ZNF607: variants seen among roughly 807,000 people sequenced by gnomAD.
The protein encoded by ZNF607 is zinc finger protein 607.
In ZNF607, 5 loss-of-function variants were observed where a neutral mutation model predicts 12.8. The observed-to-expected ratio is 0.39, with a 90% CI of 0.20 to 0.82. ZNF607 has a LOEUF of 0.82. ZNF607 is among the 40% of genes least tolerant of loss of function. ZNF607 has a pLI of 0.39. For missense variants in ZNF607, 851 were observed against 859.2 expected (o/e 0.99, Z 0.12); for synonymous variants, 287 against 276.2 (o/e 1.04, Z -0.39).
rs758000733 is a variant in ZNF607, at chr19:37,711,654, G to A, written c.-36C>T. 24 of 1,610,496 alleles carry A rather than the reference G, an allele frequency of 1.5e-5. No individual in the cohort carries two copies. The highest frequency in any genetic ancestry group is 1.6e-4 in the Middle Eastern group (1 of 6,070). ...TGGCAAGAGTTGATCAGTCCTTGGC[G>A]TTTCTCTACCAGAAGAGCAAAGTCA... On this transcript the variant is annotated 5_prime_UTR_variant, in exon 2 of 5. It adds an upstream start codon to the 5' untranslated region. Transcript: ENST00000355202.
chr19:37,703,230 T>C (rs2045053857), intron 4 of ZNF607, among the ~76,000 whole-genome samples: 1 of 149,554 alleles, frequency 6.7e-6, no homozygotes, highest in African/African-American at 2.5e-5. Context: ...ATTACAGGCG[T>C]GAGCTACCAC....
At chr19:37,709,239 A>G (rs1424501649) in intron 3 of ZNF607, among the ~76,000 whole-genome samples, 1 of 152,138 alleles carries the variant, frequency 6.6e-6, no homozygotes, top group Non-Finnish European at 1.5e-5. Context: ...CCAGTCCACC[A>G]CTCTATGCCT....
Position 37,698,506 on chromosome 19 carries a change from A to G in ZNF607, c.1625T>C (p.Phe542Ser). Reference sequence around the variant, plus strand: ...GGCTTTAAGTACAGAAATGAACCTAAAAGACTTCCCGCATTTGTTGCATTC... The same window carrying G: ...GGCTTTAAGTACAGAAATGAACCTAGAAGACTTCCCGCATTTGTTGCATTC... ...PFECNKCGKS[F>S]RFISVLKAHQ... The change falls in exon 5 of 5, where the codon TTT becomes TCT. Residue 542 changes from phenylalanine (F) to serine (S), a missense_variant. By Grantham distance (155) the Phe-to-Ser change is radical. Transcript: ENST00000355202. The G allele has an allele frequency of 6.2e-7, 1 of 1,611,920 alleles. No individual in the cohort carries two copies. Among genetic ancestry groups the G allele is most frequent in the Non-Finnish European group, 8.5e-7 (1 of 1,178,182 alleles).
At position 37,698,630 on chromosome 19, in the gene ZNF607, C is replaced by A. The variant is rs2045003317; in HGVS notation, c.1501G>T (p.Gly501Cys). 1 of 1,614,012 alleles carries A rather than the reference C, an allele frequency of 6.2e-7. No individual in the cohort carries two copies. Among genetic ancestry groups the A allele is most frequent in the Non-Finnish European group, 8.5e-7 (1 of 1,179,994 alleles). ...KLTIHRRVHT[G>C]EKPYECKECG... ...TCCTTACATTCATAAGGTTTCTCAC[C>A]AGTATGAACTCTGCGATGTATAGTG... The change falls in exon 5 of 5, where the codon GGT becomes TGT. Residue 501 changes from glycine (G) to cysteine (C), a missense_variant. Gly to Cys is a radical substitution (Grantham distance 159, BLOSUM62 -3). Coordinates refer to ENST00000355202, the MANE Select transcript of ZNF607 (RefSeq NM_032689.5).
chr19:37,716,713 T>C (rs1247230343), intron 1 of ZNF607, among the ~76,000 whole-genome samples: 1 of 152,234 alleles, frequency 6.6e-6, no homozygotes, highest in Non-Finnish European at 1.5e-5. Context: ...AATTTCTTCT[T>C]TGAAACTATC....
intron 3 of ZNF607, 118 bp from the exon 4 acceptor site, chr19:37,708,130 T>A: frequency 1.5e-6 from 1 of 678,626 alleles, no homozygotes; most frequent in Non-Finnish European, 2.3e-6. Context: ...TAGAGAAGAG[T>A]GAGGGAAATA....
Position 37,708,029 on chromosome 19 carries a change from G to A in ZNF607, c.137-17C>T, listed in dbSNP as rs566180283. Reference sequence around the variant, plus strand: ...AATGTCCTGCTTACAAAGAAAAGAAGTGCCACAAAATACGGAAATCAACTT... The same window carrying A: ...AATGTCCTGCTTACAAAGAAAAGAAATGCCACAAAATACGGAAATCAACTT... On this transcript the variant is annotated splice_polypyrimidine_tract_variant and intron_variant, in intron 3 of 4. Transcript: ENST00000355202. 14 of 1,590,868 alleles carry A rather than the reference G, an allele frequency of 8.8e-6. No individual in the cohort carries two copies. The African/African-American group carries it at 1.5e-4, about 17-fold the overall frequency.
At chr19:37,717,481 G>T (rs2045185985) in intron 1 of ZNF607, among the ~76,000 whole-genome samples, 1 of 151,744 alleles carries the variant, frequency 6.6e-6, no homozygotes, top group African/African-American at 2.4e-5. Context: ...CACTGTGCCA[G>T]GCCCAAAATT....
Position 37,696,932 on chromosome 19 carries a change from T to A in ZNF607, c.*1108A>T. 1 of 673,978 alleles carries A rather than the reference T, an allele frequency of 1.5e-6. No homozygotes were observed. Among genetic ancestry groups the A allele is most frequent in the Non-Finnish European group, 2.7e-6 (1 of 368,310 alleles). 41.7% of individuals were successfully genotyped at this position (673,978 alleles called of 1,614,324 possible). On this transcript the variant is annotated 3_prime_UTR_variant, in exon 5 of 5. Coordinates refer to ENST00000355202, the MANE Select transcript of ZNF607 (RefSeq NM_032689.5). Reference sequence around the variant, plus strand: ...CCAGAATGAGCCCAAAGGTGGCTGCTCACTCCATAAGGTTGTTGCTCACCT... The same window carrying A: ...CCAGAATGAGCCCAAAGGTGGCTGCACACTCCATAAGGTTGTTGCTCACCT...
Position 37,719,696 on chromosome 19 carries a change from G to C in ZNF607, c.-502C>G, listed in dbSNP as rs1052373806. 6.6e-6 allele frequency: 1 copy of C among 152,526 alleles called. No individual in the cohort carries two copies. Among genetic ancestry groups the C allele is most frequent in the South Asian group, 2.1e-4 (1 of 4,824 alleles). 9.4% of individuals were successfully genotyped at this position (152,526 alleles called of 1,614,324 possible). On this transcript the variant is annotated 5_prime_UTR_variant, in exon 1 of 5. Coordinates refer to ENST00000355202, the MANE Select transcript of ZNF607 (RefSeq NM_032689.5). The stretch of plus-strand genomic sequence containing the variant: ...AATCCTAAAAACCTACGAGAAATAC[G>C]GCAGCGACCACTTGGACCGCGCCTC...
At chr19:37,709,981 C>T (rs2045119108) in intron 2 of ZNF607, among the ~76,000 whole-genome samples, 159 bp from the exon 3 acceptor site, 1 of 150,424 alleles carries the variant, frequency 6.6e-6, no homozygotes, top group East Asian at 2.0e-4. Context: ...ATGGTGAAAC[C>T]CCGTCTCTAC....
rs2044996687 is a variant in ZNF607 at position 37,698,312 on chromosome 19, GAAT to G, written c.1816_1818del (p.Ile606del). On this transcript the variant is annotated inframe_deletion, in exon 5 of 5. Coordinates refer to ENST00000355202, the MANE Select transcript of ZNF607 (RefSeq NM_032689.5). The stretch of plus-strand genomic sequence containing the variant: ...TTATCACTGGTATGAATTCTCTCAT[GAAT>G]AATAAGATGTGAAGCATGACTAAAA... 6 of 1,614,088 alleles carry G rather than the reference GAAT, an allele frequency of 3.7e-6. No individual in the cohort carries two copies. The highest frequency in any genetic ancestry group is 1.1e-5 in the South Asian group (1 of 91,058).
In ZNF607 at chr19:37,698,072, T is replaced by C. The variant is rs1426609418; in HGVS notation, c.2059A>G (p.Ile687Val). ...TGAATTCTCTGATGTACTTCAAGGA[T>C]GGATCTAAGCCTAAAGGACCTTCTG... is the stretch of plus-strand genomic sequence containing the variant. ...KCRRSFRLRS[I>V]LEVHQRIHI The change falls in exon 5 of 5, where the codon ATC becomes GTC. Residue 687 changes from isoleucine (I) to valine (V), a missense_variant. By Grantham distance (29) the Ile-to-Val change is conservative. Transcript: ENST00000355202. 2.5e-6 allele frequency: 4 copies of C among 1,607,014 alleles called. No individual in the cohort carries two copies. The highest frequency in any genetic ancestry group is 3.4e-6 in the Non-Finnish European group (4 of 1,177,504).
chr19:37,712,101 T>G (rs2045138393), intron 1 of ZNF607, among the ~76,000 whole-genome samples: 1 of 152,144 alleles, frequency 6.6e-6, no homozygotes, highest in African/African-American at 2.4e-5. Context: ...ACTGGGGAAA[T>G]TGGTCAAGAT....
Position 37,697,538 on chromosome 19 carries a change from C to T in ZNF607, c.*502G>A, listed in dbSNP as rs1332635026. 5.7e-6 allele frequency: 3 copies of T among 530,258 alleles called. No homozygotes were observed. The highest frequency in any genetic ancestry group is 1.9e-5 in the African/African-American group (1 of 52,380). The allele number at this position is 530,258 out of a possible 1,614,324, so 32.8% of individuals were successfully genotyped here. ...GATCCCCAGAAGGGATAAATATCTT[C>T]CCCCATATCATCCCAGCTATAGGAA... On this transcript the variant is annotated 3_prime_UTR_variant, in exon 5 of 5. Transcript: ENST00000355202.
intron 1 of ZNF607, 85 bp from the exon 2 acceptor site, chr19:37,711,777 T>C: frequency 1.6e-6 from 1 of 638,430 alleles, no homozygotes; most frequent in Non-Finnish European, 2.7e-6. Flanking sequence ...TCCTCTTCCA[T>C]TCCAAGTTAC....
intron 4 of ZNF607, among the ~76,000 whole-genome samples, chr19:37,705,298 C>T (rs1195675870): frequency 6.6e-6 from 1 of 152,176 alleles, no homozygotes; most frequent in Non-Finnish European, 1.5e-5. Context: ...TGAACAAATT[C>T]CTTGAAAGAA....
At position 37,698,052 on chromosome 19, in the gene ZNF607, T is replaced by C. The variant is rs1378942783; in HGVS notation, c.2079A>G (p.Arg693=). ...RLRSILEVHQ[R]IHI ...CACAATTTCTCTATCAAATATGAAT[T>C]CTCTGATGTACTTCAAGGATGGATC... Residue 693 remains arginine (R), a synonymous_variant, in exon 5 of 5, where the codon AGA becomes AGG. Coordinates refer to ENST00000355202, the MANE Select transcript of ZNF607 (RefSeq NM_032689.5). 1 of 1,588,998 alleles carries C rather than the reference T, an allele frequency of 6.3e-7. No homozygotes were observed. The highest frequency in any genetic ancestry group is 8.5e-7 in the Non-Finnish European group (1 of 1,170,862).
intron 4 of ZNF607, among the ~76,000 whole-genome samples, chr19:37,704,270 A>C (rs2045062903): frequency 6.6e-6 from 1 of 152,230 alleles, no homozygotes. Flanking sequence ...AAGAAACTAC[A>C]TGAGATATTC....
Sources: gnomAD v4.1 joint callset for allele counts (sites outside exome capture counted in the v4.1 genomes callset) on GRCh38, gnomAD v4.1.1 for gene constraint, MANE v1.5 for transcripts, NCBI Gene and HGNC (gene_info 2026-07-23, HGNC 2026-07-21) for gene names.